DLC1: variants seen among roughly 807,000 people sequenced by gnomAD.
The protein encoded by DLC1 is DLC1 Rho GTPase activating protein, also known as rho GTPase-activating protein 7.
A neutral mutation model predicts 140.3 loss-of-function variants in DLC1; 54 were observed. That is an observed-to-expected ratio of 0.38 (90% CI 0.31 to 0.48). DLC1 has a LOEUF of 0.48. Among genes scored for constraint, DLC1 ranks in the 20% least tolerant of loss-of-function variants. The pLI is 0.96. For missense variants in DLC1, 2,536 were observed against 1,907.0 expected, an observed-to-expected ratio of 1.33 and a Z score of -6.14; for synonymous variants, 986 against 728.1, an observed-to-expected ratio of 1.35 and a Z score of -5.70.
intron 4 of DLC1, among the ~76,000 whole-genome samples, chr8:13,306,503 C>T (rs1345191001): frequency 6.6e-6 from 1 of 151,664 alleles, no homozygotes; most frequent in Non-Finnish European, 1.5e-5. Flanking sequence ...GGACAACATC[C>T]TCAGAGTTGA....
chr8:13,133,425 C>A, intron 5 of DLC1: 8 of 561,402 alleles, frequency 1.4e-5, no homozygotes, highest in Non-Finnish European at 1.8e-5. Context: ...CCGGCCCCGC[C>A]CCATTCCCAG....
intron 1 of DLC1, among the ~76,000 whole-genome samples, chr8:13,511,717 A>T (rs907338412): frequency 6.6e-6 from 1 of 152,070 alleles, no homozygotes; most frequent in African/African-American, 2.4e-5. Context: ...TCCAATTCTC[A>T]TGTGCAATTC....
intron 1 of DLC1, among the ~76,000 whole-genome samples, chr8:13,538,171 G>A (rs1803357562): frequency 6.6e-6 from 1 of 152,000 alleles, no homozygotes; most frequent in Non-Finnish European, 1.5e-5. Flanking sequence ...CTTAAATACT[G>A]GAAAGTGGGA....
At chr8:13,363,217 C>G (rs73205703) in intron 4 of DLC1, among the ~76,000 whole-genome samples, 3 of 152,042 alleles carry the variant, frequency 2.0e-5, no homozygotes, top group Non-Finnish European at 4.4e-5. Flanking sequence ...ATTTGGATTT[C>G]TTTGTAGTTT....
At chr8:13,399,972 C>A (rs1837222184) in intron 3 of DLC1, among the ~76,000 whole-genome samples, 1 of 152,048 alleles carries the variant, frequency 6.6e-6, no homozygotes, top group Non-Finnish European at 1.5e-5. Flanking sequence ...GTCAGTGCTC[C>A]TTGGTAGATG....
chr8:13,303,583 C>T (rs1423874364), intron 5 of DLC1, among the ~76,000 whole-genome samples: 1 of 152,128 alleles, frequency 6.6e-6, no homozygotes, highest in Non-Finnish European at 1.5e-5. Context: ...GGGCGGATCA[C>T]CTGAGCTCAG....
intron 5 of DLC1, among the ~76,000 whole-genome samples, chr8:13,185,987 C>G (rs1181549595): frequency 6.6e-6 from 1 of 152,210 alleles, no homozygotes; most frequent in Admixed American, 6.5e-5. Flanking sequence ...CCACTCTCTT[C>G]TGGCTTGTAG....
At chr8:13,229,925 C>A (rs1159312736) in intron 5 of DLC1, among the ~76,000 whole-genome samples, 4 of 152,216 alleles carry the variant, frequency 2.6e-5, no homozygotes, top group Non-Finnish European at 4.4e-5. Flanking sequence ...ACCAAAGAAT[C>A]TAATGGCCCA....
intron 5 of DLC1, among the ~76,000 whole-genome samples, chr8:13,175,137 CT>C (rs1825689239): frequency 1.3e-5 from 2 of 152,058 alleles, no homozygotes; most frequent in South Asian, 4.1e-4. Context: ...CAATTGCTTG[CT>C]TTTGTCTACT....
At chr8:13,132,414 ACTTTC>A (rs1320852621) in intron 5 of DLC1, among the ~76,000 whole-genome samples, 3 of 152,064 alleles carry the variant, frequency 2.0e-5, no homozygotes, top group Admixed American at 6.5e-5. Context: ...TTTTTGGTGA[ACTTTC>A]AGGCAGTGAT....
chr8:13,122,161 G>A (rs1821140565), intron 5 of DLC1, among the ~76,000 whole-genome samples: 1 of 152,066 alleles, frequency 6.6e-6, no homozygotes, highest in Non-Finnish European at 1.5e-5. Flanking sequence ...ATTTCATTAT[G>A]TCACTCCCCT....
chr8:13,332,721 C>G (rs1833650377), intron 4 of DLC1, among the ~76,000 whole-genome samples: 1 of 152,096 alleles, frequency 6.6e-6, no homozygotes, highest in African/African-American at 2.4e-5. Context: ...GTCTGGCCCA[C>G]TATTCATGGA....
chr8:13,224,592 A>T (rs1585950463), intron 5 of DLC1, among the ~76,000 whole-genome samples: 2 of 152,168 alleles, frequency 1.3e-5, no homozygotes, highest in African/African-American at 4.8e-5. Flanking sequence ...GGGGTGGTCA[A>T]AGGTTAAAGG....
chr8:13,224,556 C>G (rs1004352658), intron 5 of DLC1, among the ~76,000 whole-genome samples: 1 of 152,116 alleles, frequency 6.6e-6, no homozygotes, highest in Admixed American at 6.6e-5. Flanking sequence ...TCTGACAGGA[C>G]TTGGATGTGG....
chr8:13,413,256 A>ATTTTTTTTTTTTTTTTTTT lies in DLC1; in HGVS notation c.1024-11656_1024-11638dup, dbSNP rs58038503. Among the ~76,000 whole-genome samples, 342 of 81,960 alleles carry ATTTTTTTTTTTTTTTTTTT rather than the reference A, an allele frequency of 4.2e-3. 60 individuals are homozygous for ATTTTTTTTTTTTTTTTTTT. The highest frequency in any genetic ancestry group is 6.0e-3 in the African/African-American group (120 of 19,860). The allele number at this position is 81,960 out of a possible 152,430, so 53.8% of individuals were successfully genotyped here. A position where few individuals can be genotyped will look rare whatever the true frequency, so the allele number is the denominator to read the frequency against. On this transcript the variant is annotated intron_variant, in intron 2 of 17. Transcript: ENST00000276297. ...TAAAACATTATGAGATTTTTTTGCG[A>ATTTTTTTTTTTTTTTTTTT]TTTTTTTTTTTTTTTTTTTTTAGCT...
chr8:13,460,795 C>T (rs1043003248), intron 2 of DLC1, among the ~76,000 whole-genome samples: 6 of 152,216 alleles, frequency 3.9e-5, no homozygotes, highest in Non-Finnish European at 5.9e-5. Context: ...TCTTAGGAAT[C>T]GCAGTGCATG....
At chr8:13,293,500 G>A (rs1288651675) in intron 5 of DLC1, among the ~76,000 whole-genome samples, 2 of 152,154 alleles carry the variant, frequency 1.3e-5, no homozygotes, top group Non-Finnish European at 2.9e-5. Context: ...TTAGCTGAAT[G>A]CCTGTATGAG....
intron 5 of DLC1, among the ~76,000 whole-genome samples, chr8:13,259,331 G>T (rs1586022317): frequency 6.6e-6 from 1 of 152,116 alleles, no homozygotes; most frequent in Middle Eastern, 3.4e-3. Context: ...GAATCATAAT[G>T]AACCACAGTG....
chr8:13,174,445 C>T (rs1370904873), intron 5 of DLC1, among the ~76,000 whole-genome samples: 1 of 152,188 alleles, frequency 6.6e-6, no homozygotes, highest in African/African-American at 2.4e-5. Flanking sequence ...CTCCAAACCA[C>T]TTTCTGCAGT....
Sources: allele counts gnomAD v4.1 joint callset (sites outside exome capture counted in the v4.1 genomes callset), GRCh38; gene constraint gnomAD v4.1.1; transcripts MANE v1.5; gene names NCBI Gene and HGNC (gene_info 2026-07-23, HGNC 2026-07-21).